The following CALN1 variants were observed in gnomAD, a reference collection of about 807,000 sequenced individuals.
CALN1 encodes calcium-binding protein 8.
CALN1 carries 17 observed loss-of-function variants against 30.6 expected under a neutral mutation model. The observed-to-expected ratio is 0.56, with a 90% confidence interval of 0.38 to 0.83. CALN1 has a LOEUF of 0.83. Ranked by LOEUF, CALN1 falls within the 40% of genes least tolerant of loss-of-function variation. The pLI is 0.00. For missense variants in CALN1, 291 were observed against 354.9 expected, an observed-to-expected ratio of 0.82 and a Z score of 1.45; for synonymous variants, 156 against 131.4, an observed-to-expected ratio of 1.19 and a Z score of -1.28.
At chr7:72,016,602 A>G (rs377494721) in intron 5 of CALN1, among the ~76,000 whole-genome samples, 1 of 151,524 alleles carries the variant, frequency 6.6e-6, no homozygotes, top group Non-Finnish European at 1.5e-5. Flanking sequence ...ATGCCTCGCT[A>G]ATTTTTGAAT....
intron 3 of CALN1, among the ~76,000 whole-genome samples, chr7:72,201,742 A>AC (rs914916187): frequency 1.3e-5 from 2 of 150,340 alleles, no homozygotes; most frequent in Non-Finnish European, 2.9e-5. Flanking sequence ...CTGATTAAAA[A>AC]AAAAAAAAAA....
intron 3 of CALN1, among the ~76,000 whole-genome samples, chr7:72,202,088 A>C (rs927507538): frequency 1.3e-5 from 2 of 152,240 alleles, no homozygotes; most frequent in African/African-American, 4.8e-5. Context: ...ATAGTGAGAG[A>C]GCCTCCTAAA....
intron 5 of CALN1, among the ~76,000 whole-genome samples, chr7:71,942,653 G>A (rs1796196863): frequency 6.6e-6 from 1 of 152,184 alleles, no homozygotes; most frequent in African/African-American, 2.4e-5. Context: ...GTGATGGAAT[G>A]CTCTGTGGCG....
At chr7:71,905,634 A>G (rs1299106323) in intron 5 of CALN1, among the ~76,000 whole-genome samples, 1 of 152,114 alleles carries the variant, frequency 6.6e-6, no homozygotes, top group Non-Finnish European at 1.5e-5. Flanking sequence ...TACGCACTCC[A>G]TAGAGTGGGA....
chr7:72,010,799 C>G (rs1800026830), intron 5 of CALN1, among the ~76,000 whole-genome samples: 1 of 142,276 alleles, frequency 7.0e-6, no homozygotes, highest in Non-Finnish European at 1.5e-5. Context: ...AGAGGAGACC[C>G]TGTCTCAAAA....
chr7:71,950,636 G>C (rs541711578), intron 5 of CALN1, among the ~76,000 whole-genome samples: 13 of 152,166 alleles, frequency 8.5e-5, no homozygotes, highest in Non-Finnish European at 1.9e-4. Context: ...CCGATCCACA[G>C]AGCCACCCGA....
chr7:72,121,523 A>G (rs1392633503), intron 3 of CALN1, among the ~76,000 whole-genome samples: 2 of 148,276 alleles, frequency 1.3e-5, no homozygotes, highest in Admixed American at 6.8e-5. Flanking sequence ...CAACACGGAC[A>G]TGAGTCCCTC....
chr7:72,478,874 A>C, the CALN1 span, among the ~76,000 whole-genome samples: 1 of 123,270 alleles, frequency 8.1e-6, no homozygotes, highest in Non-Finnish European at 1.6e-5. Context: ...TTTGCCATGC[A>C]TACGAACCAC....
intron 3 of CALN1, among the ~76,000 whole-genome samples, chr7:72,209,716 C>T (rs1204948089): frequency 1.3e-5 from 2 of 152,116 alleles, no homozygotes; most frequent in African/African-American, 4.8e-5. Flanking sequence ...TATTCCCCAG[C>T]CCTAAGCATC....
chr7:71,887,226 T>C (rs182540689), intron 5 of CALN1, among the ~76,000 whole-genome samples: 57 of 152,284 alleles, frequency 3.7e-4, no homozygotes, highest in African/African-American at 1.3e-3. Context: ...ACTCAAGTGT[T>C]TGGGCTTGAT....
chr7:72,044,549 G>A (rs887046344), intron 4 of CALN1, among the ~76,000 whole-genome samples: 2 of 150,418 alleles, frequency 1.3e-5, no homozygotes, highest in Non-Finnish European at 2.9e-5. Flanking sequence ...TATCTACTCC[G>A]ACGGTTGCAG....
chr7:72,083,989 A>T (rs1052784019), intron 4 of CALN1, among the ~76,000 whole-genome samples: 2 of 151,934 alleles, frequency 1.3e-5, no homozygotes, highest in Non-Finnish European at 2.9e-5. Flanking sequence ...TGGGTGGATC[A>T]CTTAAGGTCT....
At chr7:72,038,518 GGTGTTTGAA>G (rs1801938167) in intron 4 of CALN1, among the ~76,000 whole-genome samples, 1 of 151,984 alleles carries the variant, frequency 6.6e-6, no homozygotes, top group African/African-American at 2.4e-5. Flanking sequence ...TAGTGTCAGA[GGTGTTTGAA>G]CCAGAGCAAC....
At chr7:72,275,348 C>T (rs1238619867) in intron 3 of CALN1, among the ~76,000 whole-genome samples, 1 of 152,036 alleles carries the variant, frequency 6.6e-6, no homozygotes, top group Admixed American at 6.6e-5. Context: ...CAAACTATGC[C>T]CTGGAAACTG....
intron 5 of CALN1, among the ~76,000 whole-genome samples, chr7:71,970,184 C>T (rs749582056): frequency 3.9e-5 from 6 of 152,102 alleles, no homozygotes; most frequent in Non-Finnish European, 8.8e-5. Context: ...AGAACAGATA[C>T]AATGTACTGT....
chr7:72,330,638 C>G (rs889648431), intron 2 of CALN1, among the ~76,000 whole-genome samples: 1 of 152,176 alleles, frequency 6.6e-6, no homozygotes, highest in South Asian at 2.1e-4. Context: ...ATCATTTTCC[C>G]CAGTACCTGA....
At chr7:71,926,905 A>G (rs962742822) in intron 5 of CALN1, among the ~76,000 whole-genome samples, 8 of 152,000 alleles carry the variant, frequency 5.3e-5, no homozygotes, top group Admixed American at 3.3e-4. Context: ...TACTTTTTCC[A>G]TAAGAGCCTT....
At chr7:72,316,537 A>G (rs968855002) in intron 2 of CALN1, among the ~76,000 whole-genome samples, 2 of 152,168 alleles carry the variant, frequency 1.3e-5, no homozygotes, top group African/African-American at 4.8e-5. Context: ...TGAAACTGTC[A>G]TCAATGATTA....
At chr7:72,455,320 T>A in the CALN1 span, among the ~76,000 whole-genome samples, 1 of 131,772 alleles carries the variant, frequency 7.6e-6, no homozygotes, top group African/African-American at 3.1e-5. Flanking sequence ...TATATATATA[T>A]ATGTGTGTGT....
Sources: gnomAD v4.1 joint callset for allele counts (sites outside exome capture counted in the v4.1 genomes callset) on GRCh38, gnomAD v4.1.1 for gene constraint, MANE v1.5 for transcripts, NCBI Gene and HGNC (gene_info 2026-07-23, HGNC 2026-07-21) for gene names.